Variants in MEPE observed in about 807,000 individuals in gnomAD.
MEPE encodes matrix, extracellular phosphoglycoprotein with ASARM motif (bone).
A neutral mutation model predicts 7.3 loss-of-function variants in MEPE; 7 were observed. The ratio of observed to expected loss-of-function variants is 0.95; its 90% confidence interval spans 0.54 to 1.79. The LOEUF (loss-of-function observed/expected upper bound fraction) is 1.79. Among genes scored for constraint, MEPE ranks in the 40% most tolerant of loss-of-function variants. The pLI is 0.00. For missense variants in MEPE, 623 were observed against 628.2 expected (o/e 0.99, Z 0.09); for synonymous variants, 214 against 213.1 (o/e 1.00, Z -0.04).
Position 87,846,227 on chromosome 4 carries a change from CT to C in MEPE, c.1362del (p.Phe454LeufsTer9), listed in dbSNP as rs1172911384. The C allele has an allele frequency of 6.2e-7, 1 of 1,613,864 alleles. No homozygotes were observed. Among genetic ancestry groups the C allele is most frequent in the African/African-American group, 1.3e-5 (1 of 74,886 alleles). On this transcript the variant is annotated frameshift_variant, in exon 4 of 4. Transcript: ENST00000361056. LOFTEE classifies it low-confidence loss of function (END_TRUNC). ...ATGAAATCAAAAACGAAATGGATTC[CT>C]TTAATGGCCCCAGTCATGAGAATAT... ...DNEIKNEMDSFNGPSHENIIT... is the reference protein window; with the variant it reads ...DNEIKNEMDSXNGPSHENIIT...
chr4:87,842,033 A>T (rs1240269084), intron 3 of MEPE, among the ~76,000 whole-genome samples: 1 of 152,244 alleles, frequency 6.6e-6, no homozygotes, highest in Non-Finnish European at 1.5e-5. Context: ...AAAGGTAGAT[A>T]TCATTTTTAT....
At chr4:87,841,452 GAAC>G (rs992866246) in intron 3 of MEPE, among the ~76,000 whole-genome samples, 56 of 151,982 alleles carry the variant, frequency 3.7e-4, no homozygotes, top group African/African-American at 1.3e-3. Flanking sequence ...AAAAATTAAT[GAAC>G]AATAATGCCA....
intron 3 of MEPE, among the ~76,000 whole-genome samples, chr4:87,840,802 A>T (rs547434576): frequency 1.2e-4 from 19 of 152,154 alleles, no homozygotes; most frequent in African/African-American, 4.1e-4. Flanking sequence ...GCCATGGAGG[A>T]TGAGTAGGAT....
In MEPE at chr4:87,823,771, T is replaced by A. The variant is rs1722400074; in HGVS notation, c.-13+2300T>A. Among the ~76,000 whole-genome samples the A allele has an allele frequency of 2.0e-5, 3 of 152,204 alleles. No individual in the cohort carries two copies. In the South Asian group the frequency reaches 6.2e-4, roughly 32 times the overall value. The stretch of plus-strand genomic sequence containing the variant: ...GCATACACACTTTTTTCCTTTTCTT[T>A]TGAAAAGGAAAATCTAAAGTAAAGA... On this transcript the variant is annotated intron_variant, in intron 1 of 3. Coordinates refer to the MEPE transcript ENST00000424957.
chr4:87,840,807 T>A (rs1196380399), intron 3 of MEPE, among the ~76,000 whole-genome samples: 3 of 151,612 alleles, frequency 2.0e-5, no homozygotes. Context: ...GGAGGATGAG[T>A]AGGATTTGAG....
At chr4:87,827,011 C>T (rs72875445) in intron 1 of MEPE, among the ~76,000 whole-genome samples, 10,514 of 152,166 alleles carry the variant, frequency 0.069, 486 homozygotes, top group African/African-American at 0.13. Flanking sequence ...TAATTAGATC[C>T]CATTTCTGAC....
Position 87,840,011 on chromosome 4 carries a change from G to C in MEPE, c.108+1326G>C, listed in dbSNP as rs894596200. 7.2e-6 allele frequency: 11 copies of C among 1,535,328 alleles called. No individual in the cohort carries two copies. The Admixed American group carries it at 1.4e-4, about 19-fold the overall frequency. ...CATGCCTCGGCCCACATCTCGCTCT[G>C]CTTCAGGACCTGTGGCTGCAGGTGT... is the stretch of plus-strand genomic sequence containing the variant. On this transcript the variant is annotated intron_variant, in intron 3 of 3. Transcript: ENST00000361056.
chr4:87,834,584 A>G, intron 1 of MEPE, 119 bp from the exon 2 acceptor site: 2 of 714,866 alleles, frequency 2.8e-6, no homozygotes, highest in Non-Finnish European at 4.7e-6. Context: ...ACATACACAA[A>G]AGGATATGAA....
At position 87,839,153 on chromosome 4, in the gene MEPE, C is replaced by T. The variant is rs114034369; in HGVS notation, c.108+468C>T. Among the ~76,000 whole-genome samples, 1,114 of 152,262 alleles carry T rather than the reference C, an allele frequency of 7.3e-3. 8 individuals are homozygous for T. Among genetic ancestry groups the T allele is most frequent in the South Asian group, 0.019 (93 of 4,824 alleles). On this transcript the variant is annotated intron_variant, in intron 3 of 3. Transcript: ENST00000361056. Reference sequence around the variant, plus strand: ...TGCATCCAGTTAAATGAATCCTCCCCGCTTTGCATGCCACCAAATTGCAGC... The same window carrying T: ...TGCATCCAGTTAAATGAATCCTCCCTGCTTTGCATGCCACCAAATTGCAGC...
At chr4:87,844,948 A>G (rs201002632) in intron 3 of MEPE, 29 bp from the exon 4 acceptor site, 1 of 1,449,796 alleles carries the variant, frequency 6.9e-7, no homozygotes, top group African/African-American at 1.4e-5. Flanking sequence ...ACATAAAATA[A>G]TCACTTCATA....
intron 1 of MEPE, among the ~76,000 whole-genome samples, chr4:87,823,507 C>T (rs775727623): frequency 3.9e-5 from 6 of 152,182 alleles, no homozygotes; most frequent in South Asian, 2.1e-4. Context: ...TTTTCTACCA[C>T]GCTTTCTTTA....
chr4:87,838,323 T>C (rs1381572461), intron 2 of MEPE, among the ~76,000 whole-genome samples: 1 of 152,178 alleles, frequency 6.6e-6, no homozygotes, highest in African/African-American at 2.4e-5. Flanking sequence ...CCAAGCTCCT[T>C]CGTCTGGGGT....
intron 3 of MEPE, among the ~76,000 whole-genome samples, chr4:87,841,178 G>A (rs1231611237): frequency 6.6e-6 from 1 of 152,048 alleles, no homozygotes; most frequent in African/African-American, 2.4e-5. Context: ...TCAGACAAGG[G>A]AGAGAAAAAA....
chr4:87,822,389 G>A (rs11734956), intron 1 of MEPE, among the ~76,000 whole-genome samples: 49,751 of 151,930 alleles, frequency 0.33, 8,458 homozygotes, highest in Admixed American at 0.34. Flanking sequence ...CTCACAACCC[G>A]TCAAGCAATT....
chr4:87,834,516 A>C (rs1722707368), intron 1 of MEPE, among the ~76,000 whole-genome samples, 187 bp from the exon 2 acceptor site: 1 of 152,238 alleles, frequency 6.6e-6, no homozygotes, highest in African/African-American at 2.4e-5. Flanking sequence ...TAGACATATG[A>C]AAGTTCTTAA....
chr4:87,823,466 G>A (rs1384398592), intron 1 of MEPE, among the ~76,000 whole-genome samples: 1 of 152,154 alleles, frequency 6.6e-6, no homozygotes, highest in African/African-American at 2.4e-5. Flanking sequence ...TAAATTCTAT[G>A]CCCTGCATCC....
At position 87,845,887 on chromosome 4, in the gene MEPE, ATATCATGGGTAG is replaced by A. The variant is rs1723224357; in HGVS notation, c.1022_1033del (p.Ile341_Ser344del). The A allele has an allele frequency of 6.2e-7, 1 of 1,614,040 alleles. No homozygotes were observed. Among genetic ancestry groups the A allele is most frequent in the Non-Finnish European group, 8.5e-7 (1 of 1,179,962 alleles). The stretch of plus-strand genomic sequence containing the variant: ...GTCAGCCTTGTAGAGGGCAGCAACG[ATATCATGGGTAG>A]TACCAATTTTAAGGAGCTCCCTGGA... On this transcript the variant is annotated inframe_deletion, in exon 4 of 4. Transcript: ENST00000361056.
rs1723177149 is a variant in MEPE at position 87,845,313 on chromosome 4, A to C, written c.445A>C (p.Asn149His). ...AGAATATGGCGCAGCTCTCATCAGA[A>C]ATAACATGCAACATATAATGGGGCC... ...QEEYGAALIR[N>H]NMQHIMGPVT... Residue 149 changes from asparagine to histidine, a missense_variant, in exon 4 of 4, where the codon AAT becomes CAT. By Grantham distance (68) the Asn-to-His change is moderately conservative (BLOSUM62 1). Transcript: ENST00000361056. The C allele has an allele frequency of 6.2e-7, 1 of 1,613,920 alleles. No homozygotes were observed.
chr4:87,824,747 C>T lies in MEPE; in HGVS notation c.-13+3276C>T, dbSNP rs533186260. Among the ~76,000 whole-genome samples, 11 of 152,232 alleles carry T rather than the reference C, an allele frequency of 7.2e-5. 1 individual carries two copies. Among genetic ancestry groups the T allele is most frequent in the African/African-American group, 2.4e-4 (10 of 41,536 alleles). ...TTGTTTGTTTGTTTTCAATTTGAAG[C>T]TTTGTCCTTTGCTTCAAACTTTGTT... is the stretch of plus-strand genomic sequence containing the variant. On this transcript the variant is annotated intron_variant, in intron 1 of 3. Transcript: ENST00000424957.
Sources: gnomAD v4.1 joint callset for allele counts (sites outside exome capture counted in the v4.1 genomes callset) on GRCh38, gnomAD v4.1.1 for gene constraint, MANE v1.5 for transcripts, NCBI Gene and HGNC (gene_info 2026-07-23, HGNC 2026-07-21) for gene names.